The following DTNBP1 variants were observed in gnomAD, a reference collection of about 807,000 sequenced individuals.
DTNBP1 encodes the protein dysbindin.
DTNBP1 carries 35 observed loss-of-function variants against 42.8 expected under a neutral mutation model. That is an observed-to-expected ratio of 0.82 (90% CI 0.63 to 1.09). The LOEUF is 1.09. Ranked by LOEUF, DTNBP1 falls within the 50% of genes least tolerant of loss-of-function variation. The probability of loss-of-function intolerance (pLI) is 0.00; values close to 1 mark genes in which losing one functional copy is unlikely to be tolerated. For synonymous variants in DTNBP1, 171 were observed against 162.2 expected, an observed-to-expected ratio of 1.05 and a Z score of -0.41; for missense variants, 457 against 424.2, an observed-to-expected ratio of 1.08 and a Z score of -0.68.
At chr6:15,611,874 G>A (rs1230111342) in intron 6 of DTNBP1, among the ~76,000 whole-genome samples, 1 of 152,198 alleles carries the variant, frequency 6.6e-6, no homozygotes, top group African/African-American at 2.4e-5. Context: ...GTGGTTTCTT[G>A]AGAAGAAACC....
intron 3 of DTNBP1, among the ~76,000 whole-genome samples, chr6:15,644,295 T>A (rs917128789): frequency 2.6e-5 from 4 of 151,630 alleles, no homozygotes; most frequent in African/African-American, 9.7e-5. Flanking sequence ...ATTTAGAAAC[T>A]ACTACTAGAA....
At chr6:15,643,210 A>G (rs1172040712) in intron 3 of DTNBP1, among the ~76,000 whole-genome samples, 1 of 152,218 alleles carries the variant, frequency 6.6e-6, no homozygotes, top group African/African-American at 2.4e-5. Flanking sequence ...GAGCTTGTAG[A>G]CCAGTCATTC....
intron 7 of DTNBP1, among the ~76,000 whole-genome samples, chr6:15,539,240 A>G (rs1255801515): frequency 1.3e-5 from 2 of 152,208 alleles, no homozygotes; most frequent in South Asian, 2.1e-4. Flanking sequence ...CATGCATAGT[A>G]TTTCCTCTGT....
intron 3 of DTNBP1, among the ~76,000 whole-genome samples, chr6:15,643,469 G>A (rs1428993570): frequency 1.3e-5 from 2 of 151,952 alleles, no homozygotes; most frequent in Non-Finnish European, 2.9e-5. Context: ...CATATAAGAT[G>A]ACATCCCCGA....
rs968022971 is a variant in DTNBP1, at chr6:15,523,314, G to T, written c.812-95C>A. 1.4e-5 allele frequency: 22 copies of T among 1,542,494 alleles called. No homozygotes were observed. The African/African-American group carries it at 2.9e-4, about 20-fold the overall frequency. On this transcript the variant is annotated intron_variant, in intron 9 of 9. Transcript: ENST00000344537. ...CTGTGGAATGTGCCCGTCATGAAAG[G>T]GGGGTGTGGTTTTTGTTCCAGGCAC...
At chr6:15,629,046 G>C (rs1187959812) in intron 4 of DTNBP1, among the ~76,000 whole-genome samples, 1 of 149,228 alleles carries the variant, frequency 6.7e-6, no homozygotes, top group Non-Finnish European at 1.5e-5. Context: ...AAAAATGTCT[G>C]TTGCCAACTG....
At chr6:15,580,891 C>T (rs777915668) in intron 7 of DTNBP1, among the ~76,000 whole-genome samples, 2 of 152,084 alleles carry the variant, frequency 1.3e-5, no homozygotes, top group Admixed American at 6.6e-5. Flanking sequence ...GTACAAACAC[C>T]ATTTTTATAT....
chr6:15,532,112 T>TGA (rs201209931), intron 8 of DTNBP1, among the ~76,000 whole-genome samples: 2,576 of 152,266 alleles, frequency 0.017, 57 homozygotes, highest in African/African-American at 0.056. Context: ...CAGAAGATGA[T>TGA]GAGACGTTCA....
Position 15,651,311 on chromosome 6 carries a change from AC to A in DTNBP1, c.161+1del. ...ACCTTCCTCTACAAATGAAACACTTACCTGCTAAGTAATTCTAATCCAGCAG... is the reference window on the plus strand; with the variant it reads ...ACCTTCCTCTACAAATGAAACACTTACTGCTAAGTAATTCTAATCCAGCAG... On this transcript the variant is annotated splice_donor_variant, in intron 3 of 9. Coordinates refer to ENST00000344537, the MANE Select transcript of DTNBP1 (RefSeq NM_032122.5). LOFTEE classifies it high-confidence loss of function. 2 of 1,611,548 alleles carry A rather than the reference AC, an allele frequency of 1.2e-6. No individual in the cohort carries two copies. The highest frequency in any genetic ancestry group is 1.7e-6 in the Non-Finnish European group (2 of 1,179,296).
intron 7 of DTNBP1, among the ~76,000 whole-genome samples, chr6:15,592,641 A>G (rs1403483299): frequency 2.0e-5 from 3 of 152,220 alleles, no homozygotes; most frequent in African/African-American, 7.2e-5. Context: ...CAAAGTCACA[A>G]GACAGCAGCA....
intron 8 of DTNBP1, among the ~76,000 whole-genome samples, chr6:15,528,512 G>A (rs769519572): frequency 6.6e-6 from 1 of 152,226 alleles, no homozygotes. Context: ...TTGGCTCAGG[G>A]ACGGGCGGCA....
chr6:15,597,466 C>G, intron 6 of DTNBP1, among the ~76,000 whole-genome samples: 1 of 152,100 alleles, frequency 6.6e-6, no homozygotes, highest in East Asian at 1.9e-4. Flanking sequence ...GTTTTAAGTT[C>G]CAGTCACTCT....
chr6:15,584,696 CATGT>C (rs1165582011), intron 7 of DTNBP1, among the ~76,000 whole-genome samples: 1 of 132,156 alleles, frequency 7.6e-6, no homozygotes, highest in African/African-American at 2.8e-5. Flanking sequence ...TGAGAGACAA[CATGT>C]ATTTCTTTTT....
chr6:15,585,064 AATATATATATATATATATATAT>A (rs59261831), intron 7 of DTNBP1, among the ~76,000 whole-genome samples: 31,361 of 119,568 alleles, frequency 0.26, 5,070 homozygotes, highest in East Asian at 0.54. Context: ...TTATGAAAAG[AATATATATATATATATATATAT>A]ATATATATAT....
At chr6:15,588,771 A>G (rs1036849737) in intron 7 of DTNBP1, among the ~76,000 whole-genome samples, 1 of 152,226 alleles carries the variant, frequency 6.6e-6, no homozygotes, top group East Asian at 1.9e-4. Context: ...TGTATTCTTG[A>G]AATAAACATA....
At chr6:15,626,700 A>G (rs1759370175) in intron 5 of DTNBP1, among the ~76,000 whole-genome samples, 1 of 152,214 alleles carries the variant, frequency 6.6e-6, no homozygotes, top group South Asian at 2.1e-4. Context: ...ACGACAAAAA[A>G]ATAAATTTCC....
chr6:15,546,708 G>C (rs941484491), intron 7 of DTNBP1, among the ~76,000 whole-genome samples: 1 of 152,094 alleles, frequency 6.6e-6, no homozygotes, highest in Non-Finnish European at 1.5e-5. Flanking sequence ...AGGAGGTTAA[G>C]GGTACGGTGT....
At chr6:15,577,757 T>C (rs925347177) in intron 7 of DTNBP1, among the ~76,000 whole-genome samples, 3 of 152,042 alleles carry the variant, frequency 2.0e-5, no homozygotes, top group African/African-American at 7.2e-5. Flanking sequence ...CCAATAGCAT[T>C]GGGTGGTATT....
At chr6:15,526,207 G>A (rs1437787620) in intron 8 of DTNBP1, among the ~76,000 whole-genome samples, 8 of 152,170 alleles carry the variant, frequency 5.3e-5, no homozygotes, top group African/African-American at 9.7e-5. Flanking sequence ...GCCTGCTCTC[G>A]CTAGAGGCAT....
Sources: gnomAD v4.1 joint callset for allele counts (sites outside exome capture counted in the v4.1 genomes callset) on GRCh38, gnomAD v4.1.1 for gene constraint, MANE v1.5 for transcripts, NCBI Gene and HGNC (gene_info 2026-07-23, HGNC 2026-07-21) for gene names.